Variants in PEPD observed in about 807,000 individuals in gnomAD.
PEPD encodes the protein peptidase D.
A neutral mutation model predicts 60.7 loss-of-function variants in PEPD; 53 were observed. The ratio of observed to expected loss-of-function variants is 0.87; its 90% CI spans 0.70 to 1.10. The LOEUF (loss-of-function observed/expected upper bound fraction) is 1.10, where lower values mean the gene tolerates loss of function less well. Among genes scored for constraint, PEPD ranks in the 50% least tolerant of loss-of-function variants. The pLI, the probability that PEPD is intolerant of heterozygous loss-of-function variation, is 0.00. For missense variants in PEPD, 711 were observed against 711.9 expected (o/e 1.00, Z 0.01); for synonymous variants, 267 against 284.1 (o/e 0.94, Z 0.60).
At chr19:33,447,934 G>A (rs747274692) in intron 9 of PEPD, among the ~76,000 whole-genome samples, 35 of 152,190 alleles carry the variant, frequency 2.3e-4, no homozygotes, top group African/African-American at 7.5e-4. Flanking sequence ...TCACAGCCCC[G>A]GAACACAGAG....
At chr19:33,506,201 CACAA>C (rs141478372) in intron 3 of PEPD, among the ~76,000 whole-genome samples, 1,466 of 144,244 alleles carry the variant, frequency 0.01, 21 homozygotes, top group South Asian at 0.059. Flanking sequence ...ACACTCTCAT[CACAA>C]ACACCCTACA....
chr19:33,453,057 C>T (rs1969725844), intron 9 of PEPD, among the ~76,000 whole-genome samples: 3 of 152,340 alleles, frequency 2.0e-5, no homozygotes, highest in Non-Finnish European at 4.4e-5. Flanking sequence ...CATGGTGGCT[C>T]ACGCCTATAA....
intron 13 of PEPD, 58 bp from the exon 14 acceptor site, chr19:33,388,139 A>G (rs1264913532): frequency 2.9e-6 from 4 of 1,395,878 alleles, no homozygotes; most frequent in East Asian, 2.5e-5. Context: ...CCGTGGCCTC[A>G]TCAGGAGAGA....
intron 9 of PEPD, among the ~76,000 whole-genome samples, chr19:33,422,666 A>G (rs554788755): frequency 1.3e-5 from 2 of 148,754 alleles, no homozygotes; most frequent in Admixed American, 1.3e-4. Context: ...TCATCCATCT[A>G]CCCATCCATC....
intron 9 of PEPD, among the ~76,000 whole-genome samples, chr19:33,444,447 G>A (rs1454568696): frequency 1.3e-5 from 2 of 151,994 alleles, no homozygotes; most frequent in Admixed American, 1.3e-4. Context: ...TAAGGGGCCA[G>A]GCAGCGGATG....
intron 4 of PEPD, among the ~76,000 whole-genome samples, chr19:33,495,906 G>A (rs1970593582): frequency 6.6e-6 from 1 of 152,072 alleles, no homozygotes; most frequent in African/African-American, 2.4e-5. Context: ...GCTTGAACCT[G>A]GGAGGCAGAG....
chr19:33,438,723 C>T (rs73035067), intron 9 of PEPD, among the ~76,000 whole-genome samples: 5,945 of 152,334 alleles, frequency 0.039, 152 homozygotes, highest in Non-Finnish European at 0.06. Context: ...AGGAGTGCTT[C>T]CTGCCCTTTT....
chr19:33,438,608 C>G (rs1001588958), intron 9 of PEPD, among the ~76,000 whole-genome samples: 2 of 152,248 alleles, frequency 1.3e-5, no homozygotes, highest in Non-Finnish European at 1.5e-5. Context: ...CAGCCCAACC[C>G]TGGCAGGGGC....
intron 7 of PEPD, among the ~76,000 whole-genome samples, chr19:33,472,382 G>A (rs1014424112): frequency 2.6e-5 from 4 of 152,222 alleles, no homozygotes; most frequent in South Asian, 2.1e-4. Context: ...AGGAAAAAAC[G>A]TGCCAGGAAA....
At position 33,414,684 on chromosome 19, in the gene PEPD, G is replaced by A. The variant is rs1484586865; in HGVS notation, c.672-1041C>T. Among the ~76,000 whole-genome samples the A allele has an allele frequency of 2.7e-5, 4 of 149,442 alleles. No individual in the cohort carries two copies. In the East Asian group the frequency reaches 7.9e-4, roughly 30 times the overall value. ...ACGTTCCAGGCCTGCCTTAGAGAACGTCCATACGAGGGAGTTTCATCTTCT... is the reference window on the plus strand; with the variant it reads ...ACGTTCCAGGCCTGCCTTAGAGAACATCCATACGAGGGAGTTTCATCTTCT... On this transcript the variant is annotated intron_variant, in intron 9 of 14. Transcript: ENST00000244137.
intron 11 of PEPD, among the ~76,000 whole-genome samples, 171 bp downstream of exon 11, chr19:33,411,501 A>C (rs1600094032): frequency 6.6e-6 from 1 of 152,220 alleles, no homozygotes; most frequent in South Asian, 2.1e-4. Flanking sequence ...TGGAGAAGGC[A>C]CCACGCAGGC....
intron 9 of PEPD, among the ~76,000 whole-genome samples, chr19:33,448,385 A>AGGTC (rs1969632362): frequency 6.6e-6 from 1 of 152,198 alleles, no homozygotes; most frequent in East Asian, 1.9e-4. Context: ...GCCCAGCTAA[A>AGGTC]CACCCTCCCA....
At chr19:33,398,262 G>A (rs900190050) in intron 12 of PEPD, among the ~76,000 whole-genome samples, 1 of 152,200 alleles carries the variant, frequency 6.6e-6, no homozygotes, top group Non-Finnish European at 1.5e-5. Context: ...GTGGGCCCCC[G>A]CCCCTCACAG....
At chr19:33,455,655 A>G (rs1426669323) in intron 9 of PEPD, among the ~76,000 whole-genome samples, 3 of 149,870 alleles carry the variant, frequency 2.0e-5, no homozygotes, top group African/African-American at 4.9e-5. Flanking sequence ...GGGGTGCGTC[A>G]CCACACTCAG....
At chr19:33,409,686 G>A (rs973945827) in intron 11 of PEPD, among the ~76,000 whole-genome samples, 14 of 152,162 alleles carry the variant, frequency 9.2e-5, no homozygotes, top group East Asian at 7.7e-4. Context: ...AAAAGTTTCA[G>A]GACACCAGGT....
At chr19:33,419,089 A>T (rs993075149) in intron 9 of PEPD, among the ~76,000 whole-genome samples, 1 of 152,132 alleles carries the variant, frequency 6.6e-6, no homozygotes, top group Admixed American at 6.5e-5. Context: ...CCACAGACAG[A>T]GACTGTTTGA....
intron 7 of PEPD, among the ~76,000 whole-genome samples, chr19:33,476,703 G>A (rs1462251828): frequency 1.3e-5 from 2 of 151,774 alleles, no homozygotes; most frequent in African/African-American, 2.4e-5. Flanking sequence ...TTGCTCTGTC[G>A]CCCAGGCTGG....
intron 3 of PEPD, among the ~76,000 whole-genome samples, chr19:33,509,255 T>C (rs1970874820): frequency 6.6e-6 from 1 of 152,230 alleles, no homozygotes; most frequent in Admixed American, 6.5e-5. Flanking sequence ...CCAAAGGCAG[T>C]TGGCCCGGGT....
intron 4 of PEPD, among the ~76,000 whole-genome samples, chr19:33,499,740 C>CA (rs1442449919): frequency 6.6e-6 from 1 of 152,178 alleles, no homozygotes; most frequent in Non-Finnish European, 1.5e-5. Flanking sequence ...AGGAGAAAGA[C>CA]AGAGAAATGG....
Sources: allele counts gnomAD v4.1 joint callset (sites outside exome capture counted in the v4.1 genomes callset), GRCh38; gene constraint gnomAD v4.1.1; transcripts MANE v1.5; gene names NCBI Gene and HGNC (gene_info 2026-07-23, HGNC 2026-07-21).